The following PRKN variants were observed in gnomAD, a reference collection of about 807,000 sequenced individuals.
PRKN encodes the protein E3 ubiquitin-protein ligase parkin.
PRKN carries 56 observed loss-of-function variants against 59.5 expected under a neutral mutation model. The ratio of observed to expected loss-of-function variants is 0.94; its 90% CI spans 0.76 to 1.18. The LOEUF (loss-of-function observed/expected upper bound fraction) is 1.18. PRKN is among the 50% of genes most tolerant of loss of function. The pLI, the probability that PRKN is intolerant of heterozygous loss-of-function variation, is 0.00. For synonymous variants in PRKN, 250 were observed against 222.1 expected, an observed-to-expected ratio of 1.13 and a Z score of -1.12; for missense variants, 657 against 596.4, an observed-to-expected ratio of 1.10 and a Z score of -1.06.
intron 2 of PRKN, among the ~76,000 whole-genome samples, chr6:162,300,033 G>A (rs1281853448): frequency 6.6e-6 from 1 of 151,852 alleles, no homozygotes; most frequent in East Asian, 1.9e-4. Flanking sequence ...TAATAATACA[G>A]AAATTTTCAT....
chr6:162,618,370 C>T (rs571713915), intron 1 of PRKN, among the ~76,000 whole-genome samples: 12 of 152,154 alleles, frequency 7.9e-5, no homozygotes, highest in African/African-American at 2.9e-4. Context: ...AACTATGCTG[C>T]CAACCAGTTT....
At chr6:162,623,420 G>A (rs1011308700) in intron 1 of PRKN, among the ~76,000 whole-genome samples, 5 of 152,098 alleles carry the variant, frequency 3.3e-5, no homozygotes, top group Non-Finnish European at 5.9e-5. Context: ...TTTAAAGTTC[G>A]TTTGAGCTTT....
At chr6:162,727,308 G>T (rs1483745280) in intron 1 of PRKN, 4 of 359,404 alleles carry the variant, frequency 1.1e-5, no homozygotes, top group African/African-American at 8.8e-5. Flanking sequence ...GGGCGGCGGC[G>T]GGGCGAAGGT....
intron 5 of PRKN, among the ~76,000 whole-genome samples, chr6:161,978,887 C>T (rs75023344): frequency 1.3e-5 from 2 of 152,198 alleles, no homozygotes; most frequent in Non-Finnish European, 2.9e-5. Context: ...AGCAGCCGGG[C>T]AGTGTCCTCT....
chr6:162,136,350 T>A (rs1250507026), intron 4 of PRKN, among the ~76,000 whole-genome samples: 1 of 152,142 alleles, frequency 6.6e-6, no homozygotes, highest in Non-Finnish European at 1.5e-5. Context: ...AGCTACTCAG[T>A]AATACATATG....
intron 1 of PRKN, among the ~76,000 whole-genome samples, chr6:162,452,209 G>A (rs1790659056): frequency 6.6e-6 from 1 of 152,094 alleles, no homozygotes; most frequent in Non-Finnish European, 1.5e-5. Context: ...ATAAAATTAA[G>A]ATAATTTATC....
chr6:161,779,440 CTTTTTTTTTTTTTT>C (rs10683923), intron 7 of PRKN, among the ~76,000 whole-genome samples: 2 of 41,840 alleles, frequency 4.8e-5, no homozygotes, highest in African/African-American at 2.0e-4. Flanking sequence ...CTTTTCTTTT[CTTTTTTTTTTTTTT>C]TTTTTTTTGA....
intron 6 of PRKN, among the ~76,000 whole-genome samples, chr6:161,827,200 T>A (rs774029539): frequency 6.6e-6 from 1 of 152,178 alleles, no homozygotes; most frequent in Non-Finnish European, 1.5e-5. Context: ...TTAATCACAG[T>A]GAGCACGAGC....
intron 4 of PRKN, among the ~76,000 whole-genome samples, chr6:162,175,507 A>C (rs911348222): frequency 2.2e-4 from 34 of 152,314 alleles, no homozygotes; most frequent in African/African-American, 7.9e-4. Flanking sequence ...AAAACAAATC[A>C]AACGAAAGAA....
chr6:161,697,241 A>C (rs1003566704), intron 7 of PRKN, among the ~76,000 whole-genome samples: 1 of 152,208 alleles, frequency 6.6e-6, no homozygotes, highest in Non-Finnish European at 1.5e-5. Context: ...ATCCTCTGGT[A>C]ATGTGGAATT....
Position 161,861,467 on chromosome 6 carries a change from G to A in PRKN, c.735-75559C>T, listed in dbSNP as rs542236290. Among the ~76,000 whole-genome samples the A allele has an allele frequency of 2.6e-5, 4 of 152,192 alleles. No homozygotes were observed. The South Asian group carries it at 6.2e-4, about 24-fold the overall frequency. On this transcript the variant is annotated intron_variant, in intron 6 of 11. Coordinates refer to ENST00000366898, the MANE Select transcript of PRKN (RefSeq NM_004562.3). ...GCAGGGAGAGCATTAGAACAAATAC[G>A]TAATGCATGTGGGGCTTATAACCTA...
At chr6:161,482,769 T>C (rs1305753110) in intron 9 of PRKN, among the ~76,000 whole-genome samples, 1 of 152,170 alleles carries the variant, frequency 6.6e-6, no homozygotes, top group African/African-American at 2.4e-5. Flanking sequence ...TGGGTCTTGT[T>C]TTTTTCTGCA....
chr6:161,899,252 C>T (rs1777788105), intron 6 of PRKN, among the ~76,000 whole-genome samples: 1 of 152,118 alleles, frequency 6.6e-6, no homozygotes, highest in African/African-American at 2.4e-5. Context: ...AAAAATAAGG[C>T]CAGACGGAAA....
At chr6:162,272,861 G>A (rs1278304779) in intron 2 of PRKN, among the ~76,000 whole-genome samples, 1 of 151,704 alleles carries the variant, frequency 6.6e-6, no homozygotes, top group Non-Finnish European at 1.5e-5. Flanking sequence ...AGCCGGGTGT[G>A]GTTGTGCGTG....
chr6:162,593,590 T>C (rs1024596555), intron 1 of PRKN, among the ~76,000 whole-genome samples: 3 of 152,184 alleles, frequency 2.0e-5, no homozygotes, highest in Non-Finnish European at 4.4e-5. Context: ...CTGGACCAGA[T>C]CTCTTGCCTT....
intron 6 of PRKN, among the ~76,000 whole-genome samples, chr6:161,904,530 C>T (rs6920149): frequency 0.55 from 83,632 of 151,666 alleles, 23,130 homozygotes; most frequent in Middle Eastern, 0.66. Flanking sequence ...TCAGCCAGGA[C>T]GGTCTCGATC....
At chr6:162,301,792 G>C (rs937403268) in intron 2 of PRKN, among the ~76,000 whole-genome samples, 2 of 110,728 alleles carry the variant, frequency 1.8e-5, no homozygotes, top group South Asian at 2.9e-4. Context: ...GCGGGGGGGG[G>C]GTGCAGAATT....
intron 1 of PRKN, chr6:162,569,328 C>T (rs977583359): frequency 4.8e-6 from 3 of 619,668 alleles, no homozygotes; most frequent in African/African-American, 3.6e-5. Context: ...GATGCCAACA[C>T]CAAGCTGTCC....
chr6:162,620,150 C>G (rs1168769688), intron 1 of PRKN, among the ~76,000 whole-genome samples: 1 of 151,930 alleles, frequency 6.6e-6, no homozygotes, highest in Non-Finnish European at 1.5e-5. Context: ...CCTATTCTAC[C>G]TCCTGACTTC....
Sources: gnomAD v4.1 joint callset for allele counts (sites outside exome capture counted in the v4.1 genomes callset) on GRCh38, gnomAD v4.1.1 for gene constraint, MANE v1.5 for transcripts, NCBI Gene and HGNC (gene_info 2026-07-23, HGNC 2026-07-21) for gene names.